The following ZFP14 variants were observed in gnomAD, a reference collection of about 807,000 sequenced individuals.
ZFP14 encodes ZFP14 zinc finger protein, also known as zinc finger protein 14 homolog.
A neutral mutation model predicts 54.5 loss-of-function variants in ZFP14; 22 were observed. The ratio of observed to expected loss-of-function variants is 0.40; its 90% CI spans 0.29 to 0.58. The LOEUF (loss-of-function observed/expected upper bound fraction) is 0.58, where lower values mean the gene tolerates loss of function less well. Ranked by LOEUF, ZFP14 falls within the 20% of genes least tolerant of loss-of-function variation. ZFP14 has a pLI of 0.39. For synonymous variants in ZFP14, 159 were observed against 204.0 expected (o/e 0.78, Z 1.88); for missense variants, 470 against 637.8 (o/e 0.74, Z 2.83).
At chr19:36,361,396 T>A (rs2031708298) in intron 3 of ZFP14, among the ~76,000 whole-genome samples, 1 of 152,022 alleles carries the variant, frequency 6.6e-6, no homozygotes, top group African/African-American at 2.4e-5. Flanking sequence ...TGCGCCACCA[T>A]GCCTGGCTAA....
chr19:36,353,324 G>T (rs2031560268), intron 4 of ZFP14, among the ~76,000 whole-genome samples: 1 of 142,770 alleles, frequency 7.0e-6, no homozygotes. Flanking sequence ...GTGGACAAAT[G>T]AAATAGCCTC....
At chr19:36,364,737 C>G (rs1418754200) in intron 2 of ZFP14, among the ~76,000 whole-genome samples, 1 of 152,126 alleles carries the variant, frequency 6.6e-6, no homozygotes, top group Non-Finnish European at 1.5e-5. Flanking sequence ...ATCCTATATA[C>G]TTGAAAAACT....
At chr19:36,377,386 C>G (rs2031979160) in intron 1 of ZFP14, among the ~76,000 whole-genome samples, 1 of 151,860 alleles carries the variant, frequency 6.6e-6, no homozygotes, top group Non-Finnish European at 1.5e-5. Context: ...CTCATTTCTA[C>G]AAAAAAATTT....
At position 36,354,489 on chromosome 19, in the gene ZFP14, C is replaced by T. The variant is rs1202388636; in HGVS notation, c.235+5946G>A. On this transcript the variant is annotated intron_variant, in intron 4 of 4. Coordinates refer to ENST00000270001, the MANE Select transcript of ZFP14 (RefSeq NM_020917.3). ...TTTCACTTACCTTTTGAATAAGCAT[C>T]TTAATCATCTTGGGCTTCTTGCAGT... 1.4e-5 allele frequency among the ~76,000 whole-genome samples: 2 copies of T among 141,974 alleles called. 1 individual carries two copies. The highest frequency in any genetic ancestry group is 3.1e-5 in the Non-Finnish European group (2 of 64,272). 93.1% of individuals were successfully genotyped at this position (141,974 alleles called of 152,430 possible). A position where few individuals can be genotyped will look rare whatever the true frequency, so the allele number is the denominator to read the frequency against.
chr19:36,340,553 C>T lies in ZFP14; in HGVS notation c.1273G>A (p.Glu425Lys). ...QSIHIGERPY[E>K]CEECGKAFRL... ...AAGGCCTTTCCACACTCTTCACATT[C>T]ATAGGGTCTCTCACCAATATGAATG... is the stretch of plus-strand genomic sequence containing the variant. The change falls in exon 5 of 5, where the codon GAA becomes AAA. Residue 425 changes from glutamate to lysine, a missense_variant. Transcript: ENST00000270001. The surrounding 1 kb of genome is among the most constrained non-coding windows in gnomAD (Gnocchi z 5.4). 6.2e-7 allele frequency: 1 copy of T among 1,614,094 alleles called. No homozygotes were observed. Among genetic ancestry groups the T allele is most frequent in the Admixed American group, 1.7e-5 (1 of 60,024 alleles).
chr19:36,366,795 A>C (rs986428278), intron 2 of ZFP14, among the ~76,000 whole-genome samples: 4 of 152,130 alleles, frequency 2.6e-5, no homozygotes, highest in African/African-American at 9.7e-5. Flanking sequence ...CCATACACTT[A>C]TGGTTTGTAT....
intron 4 of ZFP14, among the ~76,000 whole-genome samples, chr19:36,355,518 A>ATTT (rs1373115512): frequency 1.5e-5 from 2 of 133,714 alleles, no homozygotes; most frequent in African/African-American, 5.5e-5. Context: ...GTCTCTATAA[A>ATTT]TTTTTTTTTT....
chr19:36,357,632 C>T (rs954693957), intron 4 of ZFP14, among the ~76,000 whole-genome samples: 1 of 152,118 alleles, frequency 6.6e-6, no homozygotes, highest in African/African-American at 2.4e-5. Flanking sequence ...CCCTTTAGTG[C>T]GTGTGTGGCA....
chr19:36,340,106 C>A lies in ZFP14; in HGVS notation c.*118G>T. The A allele has an allele frequency of 8.9e-7, 1 of 1,121,530 alleles. No individual in the cohort carries two copies. Among genetic ancestry groups the A allele is most frequent in the Non-Finnish European group, 1.2e-6 (1 of 831,006 alleles). 69.5% of individuals were successfully genotyped at this position (1,121,530 alleles called of 1,614,324 possible). On this transcript the variant is annotated 3_prime_UTR_variant, in exon 5 of 5. Coordinates refer to ENST00000270001, the MANE Select transcript of ZFP14 (RefSeq NM_020917.3). The surrounding 1 kb of genome is among the most constrained non-coding windows in gnomAD (Gnocchi z 5.4). The stretch of plus-strand genomic sequence containing the variant: ...TGGTGTTGGAAGGCTTTTAAATCAA[C>A]ATATTCTTTCTCTAATATAAAATTT...
Position 36,340,398 on chromosome 19 carries a change from AC to A in ZFP14, c.1427del (p.Gly476ValfsTer78), listed in dbSNP as rs1437852059. The A allele has an allele frequency of 6.2e-7, 1 of 1,614,036 alleles. No homozygotes were observed. ...ATTCCTTACATTCATAAGGTTTCTC[AC>A]CAGTGTGAATACTCTGATGTTGGGT... ...QLTQHQSIHT[G>X]EKPYECKECG... is the part of the protein sequence containing the mutation. On this transcript the variant is annotated frameshift_variant, in exon 5 of 5. Transcript: ENST00000270001. LOFTEE classifies it high-confidence loss of function. The surrounding 1 kb of genome is among the most constrained non-coding windows in gnomAD (Gnocchi z 5.4).
chr19:36,337,846 C>T lies in ZFP14; in HGVS notation c.*2378G>A, dbSNP rs539919844. The stretch of plus-strand genomic sequence containing the variant: ...TTTGATAGATCCACCATAAAAATCT[C>T]GCTATAAAATATTTCACCTATTAGT... On this transcript the variant is annotated 3_prime_UTR_variant, in exon 5 of 5. Coordinates refer to ENST00000270001, the MANE Select transcript of ZFP14 (RefSeq NM_020917.3). 5.3e-5 allele frequency: 8 copies of T among 152,220 alleles called. No individual in the cohort carries two copies. Among genetic ancestry groups the T allele is most frequent in the East Asian group, 1.9e-4 (1 of 5,172 alleles). The allele number at this position is 152,220 out of a possible 1,614,324, so 9.4% of individuals were successfully genotyped here.
rs776610406 is a variant in ZFP14 at position 36,362,109 on chromosome 19, T to C, written c.136+3A>G. 5 of 1,598,480 alleles carry C rather than the reference T, an allele frequency of 3.1e-6. No homozygotes were observed. Among genetic ancestry groups the C allele is most frequent in the South Asian group, 2.3e-5 (2 of 88,176 alleles). On this transcript the variant is annotated splice_donor_region_variant and intron_variant, in intron 3 of 4. Transcript: ENST00000270001. ...TAATATCATTTGGGATAAATAACCT[T>C]ACCTAGTGAAATGAAGTTGCTGTAG...
At chr19:36,363,189 C>CTTTTCTTTTTTTTTTTT (rs1555755935) in intron 2 of ZFP14, among the ~76,000 whole-genome samples, 55 of 97,776 alleles carry the variant, frequency 5.6e-4, no homozygotes, top group Non-Finnish European at 8.9e-4. Flanking sequence ...CTTTTCTTTT[C>CTTTTCTTTTTTTTTTTT]TTTTTTTTTT....
At position 36,336,080 on chromosome 19, in the gene ZFP14, G is replaced by A. The variant is rs1391896376; in HGVS notation, c.*4144C>T. On this transcript the variant is annotated 3_prime_UTR_variant, in exon 5 of 5. Transcript: ENST00000270001. ...AAAAATCTGCTTGATATAATCTAGA[G>A]TTGTGTCTCTTTTATCATCATTAAT... 2 of 151,762 alleles carry A rather than the reference G, an allele frequency of 1.3e-5. No homozygotes were observed. Among genetic ancestry groups the A allele is most frequent in the African/African-American group, 2.4e-5 (1 of 41,284 alleles). 9.4% of individuals were successfully genotyped at this position (151,762 alleles called of 1,614,324 possible).
chr19:36,368,961 A>G (rs926778188), intron 1 of ZFP14, among the ~76,000 whole-genome samples: 1 of 151,776 alleles, frequency 6.6e-6, no homozygotes, highest in Non-Finnish European at 1.5e-5. Flanking sequence ...ATCCTGCCTC[A>G]GCCTCCTGAG....
At chr19:36,369,682 A>G (rs1286126855) in intron 1 of ZFP14, among the ~76,000 whole-genome samples, 2 of 152,150 alleles carry the variant, frequency 1.3e-5, no homozygotes, top group African/African-American at 2.4e-5. Context: ...AAATGTTGGG[A>G]TTACAGGCGT....
At chr19:36,360,318 T>A in intron 4 of ZFP14, 117 bp downstream of exon 4, 1 of 784,116 alleles carries the variant, frequency 1.3e-6, no homozygotes, top group Non-Finnish European at 1.9e-6. Flanking sequence ...CCTGCCTCCA[T>A]AGGCCAGGGG....
intron 1 of ZFP14, among the ~76,000 whole-genome samples, chr19:36,368,633 ACTTTTCAGGACTGAGAAGGGCC>A (rs2031832670): frequency 6.6e-6 from 1 of 152,110 alleles, no homozygotes; most frequent in Admixed American, 6.6e-5. Flanking sequence ...CTCTAGGACA[ACTTTTCAGGACTGAGAAGGGCC>A]CTGAATCCTG....
chr19:36,374,964 G>A (rs755865017), intron 1 of ZFP14, among the ~76,000 whole-genome samples: 3 of 150,850 alleles, frequency 2.0e-5, no homozygotes. Context: ...TTTTTACTTC[G>A]GCTTCTCATT....
Sources: gnomAD v4.1 joint callset for allele counts (sites outside exome capture counted in the v4.1 genomes callset) on GRCh38, gnomAD v4.1.1 for gene constraint, Gnocchi (gnomAD v3.1) non-coding constraint, MANE v1.5 for transcripts, NCBI Gene and HGNC (gene_info 2026-07-23, HGNC 2026-07-21) for gene names.